The following ANO10 variants were observed in gnomAD, a reference collection of about 807,000 sequenced individuals.
ANO10 encodes anoctamin-10.
In ANO10, 77 loss-of-function variants were observed where a neutral mutation model predicts 74.7. The ratio of observed to expected loss-of-function variants is 1.03; its 90% CI spans 0.86 to 1.25. The LOEUF is 1.25. Ranked by LOEUF, ANO10 falls within the 50% of genes most tolerant of loss-of-function variation. ANO10 has a pLI of 0.00. For synonymous variants in ANO10, 279 were observed against 284.9 expected, an observed-to-expected ratio of 0.98 and a Z score of 0.21; for missense variants, 721 against 778.1, an observed-to-expected ratio of 0.93 and a Z score of 0.87.
intron 4 of ANO10, among the ~76,000 whole-genome samples, chr3:43,597,861 T>A (rs943626594): frequency 1.3e-5 from 2 of 152,046 alleles, no homozygotes; most frequent in African/African-American, 4.8e-5. Flanking sequence ...GAGGCCACAG[T>A]GAGCCATGTT....
At chr3:43,471,177 G>C (rs1393796037) in intron 11 of ANO10, among the ~76,000 whole-genome samples, 1 of 152,022 alleles carries the variant, frequency 6.6e-6, no homozygotes, top group East Asian at 1.9e-4. Context: ...CTTTCCCCCA[G>C]TTGGAAACCT....
At chr3:43,477,575 G>C (rs1439671052) in intron 11 of ANO10, among the ~76,000 whole-genome samples, 3 of 152,206 alleles carry the variant, frequency 2.0e-5, no homozygotes, top group Admixed American at 1.3e-4. Context: ...TCTGAGCACA[G>C]ATCTAAAACT....
chr3:43,475,158 C>G (rs914984382), intron 11 of ANO10, among the ~76,000 whole-genome samples: 4 of 152,142 alleles, frequency 2.6e-5, no homozygotes, highest in African/African-American at 9.7e-5. Context: ...AGGATAAATA[C>G]TTACATACAG....
chr3:43,510,584 C>CT (rs1482618079), intron 11 of ANO10, among the ~76,000 whole-genome samples: 2 of 152,076 alleles, frequency 1.3e-5, no homozygotes, highest in Non-Finnish European at 2.9e-5. Context: ...ATCCAGGAAA[C>CT]TAGGTAACAG....
At chr3:43,615,837 TAG>T (rs1165266163) in intron 1 of ANO10, among the ~76,000 whole-genome samples, 1 of 151,984 alleles carries the variant, frequency 6.6e-6, no homozygotes, top group Non-Finnish European at 1.5e-5. Context: ...GTATTTTTAG[TAG>T]AGACAGGGTT....
At chr3:43,541,930 G>A (rs1575383297) in intron 11 of ANO10, among the ~76,000 whole-genome samples, 1 of 152,300 alleles carries the variant, frequency 6.6e-6, no homozygotes, top group Non-Finnish European at 1.5e-5. Context: ...TCTGGCATTC[G>A]ACTAACGCAT....
chr3:43,484,160 T>C (rs1482649), intron 11 of ANO10, among the ~76,000 whole-genome samples: 33,790 of 151,990 alleles, frequency 0.22, 4,286 homozygotes, highest in Middle Eastern at 0.36. Context: ...CTCAATCTCC[T>C]GGGCTCAAGC....
At chr3:43,428,219 T>C (rs1170479615) in intron 12 of ANO10, among the ~76,000 whole-genome samples, 2 of 151,856 alleles carry the variant, frequency 1.3e-5, no homozygotes, top group Non-Finnish European at 2.9e-5. Context: ...CCAGCTAATT[T>C]TTGTATTTTT....
intron 11 of ANO10, among the ~76,000 whole-genome samples, chr3:43,494,138 C>T (rs1034135016): frequency 6.6e-6 from 1 of 152,114 alleles, no homozygotes; most frequent in Non-Finnish European, 1.5e-5. Flanking sequence ...CTAGCTAATG[C>T]AATAAGAGCA....
chr3:43,428,469 T>C (rs1197935450), intron 12 of ANO10, among the ~76,000 whole-genome samples: 1 of 152,162 alleles, frequency 6.6e-6, no homozygotes. Flanking sequence ...ACACTCATCA[T>C]TGCTGTCTGC....
At chr3:43,656,423 C>T (rs1225604214) in intron 1 of ANO10, among the ~76,000 whole-genome samples, 1 of 152,244 alleles carries the variant, frequency 6.6e-6, no homozygotes, top group Non-Finnish European at 1.5e-5. Context: ...GTGCCGTGCG[C>T]TCGCACTCCT....
chr3:43,684,559 G>C (rs1463234671), intron 1 of ANO10, among the ~76,000 whole-genome samples: 1 of 152,124 alleles, frequency 6.6e-6, no homozygotes, highest in Non-Finnish European at 1.5e-5. Flanking sequence ...AATACCATTT[G>C]ACCCAGCCAT....
intron 12 of ANO10, among the ~76,000 whole-genome samples, chr3:43,412,047 A>G (rs1341360280): frequency 6.8e-6 from 1 of 148,024 alleles, no homozygotes; most frequent in Non-Finnish European, 1.5e-5. Flanking sequence ...ATATTTGTAA[A>G]TATATTATAT....
rs1559725761 is a variant in ANO10 at position 43,574,861 on chromosome 3, T to C, written c.1166A>G (p.Asn389Ser). ...CTGATAGGCAGATTCCAATCTGTGA[T>C]TCTCTAAAACATTAAAACACACAGG... ...YAAEFLTSWENHRLESAYQNH... is the reference protein window; with the variant it reads ...YAAEFLTSWESHRLESAYQNH... Residue 389 changes from asparagine to serine, a missense_variant, in exon 7 of 13, where the codon AAT becomes AGT. Asn to Ser is a conservative substitution (Grantham distance 46, BLOSUM62 1). Transcript: ENST00000292246. The C allele has an allele frequency of 1.2e-6, 2 of 1,613,874 alleles. No individual in the cohort carries two copies. The highest frequency in any genetic ancestry group is 1.7e-5 in the Admixed American group (1 of 60,020).
intron 11 of ANO10, among the ~76,000 whole-genome samples, chr3:43,460,574 G>A (rs2075333673): frequency 6.6e-6 from 1 of 152,070 alleles, no homozygotes; most frequent in Non-Finnish European, 1.5e-5. Flanking sequence ...TTTGCCTCTT[G>A]GAAAACCTCA....
chr3:43,608,682 A>G (rs912925666), intron 1 of ANO10, among the ~76,000 whole-genome samples: 1 of 152,108 alleles, frequency 6.6e-6, no homozygotes, highest in Non-Finnish European at 1.5e-5. Context: ...CTGGGGCCCA[A>G]GCAATCCTCC....
At chr3:43,544,921 T>C (rs1221680919) in intron 11 of ANO10, among the ~76,000 whole-genome samples, 2 of 152,036 alleles carry the variant, frequency 1.3e-5, no homozygotes, top group African/African-American at 2.4e-5. Context: ...TTTGAGAACA[T>C]TAACACTCAA....
At chr3:43,505,785 A>G (rs866873765) in intron 11 of ANO10, among the ~76,000 whole-genome samples, 9 of 152,204 alleles carry the variant, frequency 5.9e-5, no homozygotes, top group South Asian at 2.1e-4. Flanking sequence ...ACTAAATAAT[A>G]TGGTCCCTAA....
intron 1 of ANO10, among the ~76,000 whole-genome samples, chr3:43,676,210 A>C (rs1315306242): frequency 6.6e-6 from 1 of 152,120 alleles, no homozygotes; most frequent in Non-Finnish European, 1.5e-5. Flanking sequence ...CTGTAATCCC[A>C]ATGCTTTGGG....
Sources: gnomAD v4.1 joint callset for allele counts (sites outside exome capture counted in the v4.1 genomes callset) on GRCh38, gnomAD v4.1.1 for gene constraint, MANE v1.5 for transcripts, NCBI Gene and HGNC (gene_info 2026-07-23, HGNC 2026-07-21) for gene names.